ASTN2: variants seen among roughly 807,000 people sequenced by gnomAD.
ASTN2 encodes the protein astrotactin 2, also known as astrotactin-2.
ASTN2 carries 54 observed loss-of-function variants against 139.8 expected under a neutral mutation model. The observed-to-expected ratio is 0.39, with a 90% CI of 0.31 to 0.48. The LOEUF is 0.48. Ranked by LOEUF, ASTN2 falls within the 20% of genes least tolerant of loss-of-function variation. The pLI is 0.95. For missense variants in ASTN2, 1,565 were observed against 1,725.1 expected (o/e 0.91, Z 1.64); for synonymous variants, 756 against 719.5 (o/e 1.05, Z -0.81).
At chr9:116,874,009 G>A (rs1204985840) in intron 10 of ASTN2, among the ~76,000 whole-genome samples, 1 of 152,154 alleles carries the variant, frequency 6.6e-6, no homozygotes, top group African/African-American at 2.4e-5. Context: ...TTATAGCAAT[G>A]CAGAAACAAA....
At chr9:116,768,445 C>G (rs1052271683) in intron 13 of ASTN2, among the ~76,000 whole-genome samples, 3 of 152,122 alleles carry the variant, frequency 2.0e-5, no homozygotes, top group African/African-American at 7.2e-5. Context: ...CCTCCCTGAC[C>G]CGTCCTCCAT....
intron 13 of ASTN2, among the ~76,000 whole-genome samples, chr9:116,767,267 A>C (rs967728924): frequency 6.6e-6 from 1 of 152,078 alleles, no homozygotes; most frequent in African/African-American, 2.4e-5. Context: ...CTCACACCCT[A>C]GGTACCCTCC....
chr9:117,351,376 T>C lies in ASTN2; in HGVS notation c.443-59863A>G, dbSNP rs58589161. On this transcript the variant is annotated intron_variant, in intron 1 of 22. Transcript: ENST00000313400. ...TTGCATTTTACCACAAGTATTCCAA[T>C]ACCACATCTTTTAAAAACTGAAACA... Among the ~76,000 whole-genome samples the C allele has an allele frequency of 7.5e-3, 1,143 of 152,298 alleles. 14 individuals are homozygous for C. Among genetic ancestry groups the C allele is most frequent in the African/African-American group, 0.026 (1,074 of 41,566 alleles).
At chr9:117,071,025 C>G (rs1828106021) in intron 5 of ASTN2, among the ~76,000 whole-genome samples, 1 of 149,066 alleles carries the variant, frequency 6.7e-6, no homozygotes, top group African/African-American at 2.5e-5. Context: ...AAGTCATTCT[C>G]CATCCAGCTT....
At chr9:116,887,132 T>C in intron 10 of ASTN2, among the ~76,000 whole-genome samples, 1 of 152,196 alleles carries the variant, frequency 6.6e-6, no homozygotes, top group East Asian at 1.9e-4. Flanking sequence ...ACATTATGCC[T>C]ATTTCATAAG....
chr9:116,834,907 A>G (rs923636608), intron 11 of ASTN2, among the ~76,000 whole-genome samples: 13 of 152,100 alleles, frequency 8.5e-5, no homozygotes, highest in Non-Finnish European at 1.6e-4. Context: ...AAATTATCCA[A>G]GTATTGTGGT....
At chr9:116,838,351 C>T (rs112795808) in intron 11 of ASTN2, among the ~76,000 whole-genome samples, 1 of 151,834 alleles carries the variant, frequency 6.6e-6, no homozygotes. Context: ...CTCAGGTGAT[C>T]CGCCCGCCTC....
At chr9:117,284,697 T>C (rs966043908) in intron 2 of ASTN2, among the ~76,000 whole-genome samples, 11 of 152,220 alleles carry the variant, frequency 7.2e-5, no homozygotes, top group African/African-American at 2.2e-4. Context: ...CACTTATAAG[T>C]AGCAGAGTAA....
At chr9:116,788,271 G>T (rs140179959) in intron 13 of ASTN2, among the ~76,000 whole-genome samples, 6 of 152,220 alleles carry the variant, frequency 3.9e-5, no homozygotes, top group Middle Eastern at 3.4e-3. Flanking sequence ...GCTCAGTGTG[G>T]TGACCATCGT....
intron 20 of ASTN2, among the ~76,000 whole-genome samples, chr9:116,457,045 C>A (rs1417765810): frequency 6.6e-6 from 1 of 152,084 alleles, no homozygotes; most frequent in Admixed American, 6.6e-5. Context: ...AGAAATAAAT[C>A]CACACATCCA....
intron 3 of ASTN2, among the ~76,000 whole-genome samples, chr9:117,181,674 G>C (rs1191238028): frequency 6.6e-6 from 1 of 152,112 alleles, no homozygotes; most frequent in African/African-American, 2.4e-5. Context: ...GTTTTGCCTG[G>C]TCTGTTTCAC....
At chr9:117,371,698 C>T (rs180795762) in intron 1 of ASTN2, among the ~76,000 whole-genome samples, 4 of 152,212 alleles carry the variant, frequency 2.6e-5, no homozygotes, top group African/African-American at 7.2e-5. Context: ...CACTTAGTGT[C>T]TGAAAGATGG....
At chr9:116,961,216 C>T (rs1835867368) in intron 10 of ASTN2, among the ~76,000 whole-genome samples, 1 of 130,290 alleles carries the variant, frequency 7.7e-6, no homozygotes, top group Non-Finnish European at 1.6e-5. Flanking sequence ...TGGTAAAATA[C>T]ACACAACATA....
intron 1 of ASTN2, among the ~76,000 whole-genome samples, chr9:117,301,376 C>T (rs1045069306): frequency 2.6e-5 from 4 of 152,178 alleles, no homozygotes; most frequent in Non-Finnish European, 4.4e-5. Context: ...GAGACAGGAA[C>T]TAACCTTTGC....
intron 7 of ASTN2, among the ~76,000 whole-genome samples, chr9:117,005,942 G>A (rs891950745): frequency 1.3e-5 from 2 of 152,070 alleles, no homozygotes; most frequent in African/African-American, 2.4e-5. Context: ...CTGGATGTTG[G>A]GGAGAACACA....
intron 5 of ASTN2, among the ~76,000 whole-genome samples, chr9:117,045,320 A>AT (rs71379252): frequency 0.36 from 52,343 of 145,668 alleles, 9,984 homozygotes; most frequent in East Asian, 0.68. Flanking sequence ...TTGCCTGAGT[A>AT]TTTTTTTTTT....
At chr9:117,339,638 G>T (rs571811658) in intron 1 of ASTN2, among the ~76,000 whole-genome samples, 3 of 152,114 alleles carry the variant, frequency 2.0e-5, no homozygotes, top group African/African-American at 7.2e-5. Flanking sequence ...TTTTTCATAC[G>T]ATTAATGTCA....
At chr9:116,453,373 C>A (rs923646152) in intron 20 of ASTN2, among the ~76,000 whole-genome samples, 1 of 151,286 alleles carries the variant, frequency 6.6e-6, no homozygotes, top group Admixed American at 6.6e-5. Flanking sequence ...GCGGGTGGAT[C>A]ACGAGGTCAG....
chr9:117,047,578 G>A (rs1016475505), intron 5 of ASTN2, among the ~76,000 whole-genome samples: 4 of 152,130 alleles, frequency 2.6e-5, no homozygotes, highest in African/African-American at 7.2e-5. Context: ...TTCTCAGATA[G>A]TTTAATGTCT....
Sources: allele counts gnomAD v4.1 joint callset (sites outside exome capture counted in the v4.1 genomes callset), GRCh38; gene constraint gnomAD v4.1.1; transcripts MANE v1.5; gene names NCBI Gene and HGNC (gene_info 2026-07-23, HGNC 2026-07-21).